PCDH15: variants seen among roughly 807,000 people sequenced by gnomAD.
PCDH15 encodes protocadherin-15.
Under a neutral mutation model 178.5 loss-of-function variants are expected in PCDH15, and 129 were observed. The observed-to-expected ratio is 0.72, with a 90% CI of 0.63 to 0.84. The LOEUF (loss-of-function observed/expected upper bound fraction) is 0.84, where lower values mean the gene tolerates loss of function less well. PCDH15 is among the 40% of genes least tolerant of loss of function. The pLI, the probability that PCDH15 is intolerant of heterozygous loss-of-function variation, is 0.00. For synonymous variants in PCDH15, 800 were observed against 732.0 expected, an observed-to-expected ratio of 1.09 and a Z score of -1.50; for missense variants, 2,230 against 2,099.9, an observed-to-expected ratio of 1.06 and a Z score of -1.21.
rs564701191 is a variant in PCDH15 at position 53,825,311 on chromosome 10, G to C, written c.4367+2082C>G. Among the ~76,000 whole-genome samples the C allele has an allele frequency of 4.3e-4, 65 of 151,976 alleles. 2 individuals are homozygous for C. In the South Asian group the frequency reaches 0.013, roughly 30 times the overall value. On this transcript the variant is annotated intron_variant, in intron 32 of 37. Transcript: ENST00000644397. The stretch of plus-strand genomic sequence containing the variant: ...TTTTATATTTTGTTATTATTCATAT[G>C]AATGACATTTAATAGTAGATGAAAT...
intron 1 of PCDH15, among the ~76,000 whole-genome samples, chr10:55,214,600 A>G (rs1591994512): frequency 6.6e-6 from 1 of 151,260 alleles, no homozygotes; most frequent in African/African-American, 2.4e-5. Context: ...TTCCTGGCAT[A>G]TATCTTTTAA....
intron 32 of PCDH15, chr10:53,821,364 TTTTACTTC>T (rs2076261348): frequency 1.0e-6 from 1 of 994,634 alleles, no homozygotes. Context: ...GTACATTATA[TTTTACTTC>T]GGTAGTATTT....
At chr10:54,854,919 C>T (rs1953709691) in intron 3 of PCDH15, among the ~76,000 whole-genome samples, 1 of 152,344 alleles carries the variant, frequency 6.6e-6, no homozygotes, top group African/African-American at 2.4e-5. Context: ...TGTCTACCTT[C>T]TGCTGCCTCC....
intron 25 of PCDH15, among the ~76,000 whole-genome samples, chr10:53,924,232 G>A (rs1195397295): frequency 1.3e-5 from 2 of 151,912 alleles, no homozygotes; most frequent in African/African-American, 2.4e-5. Context: ...GCGAGCCAGC[G>A]TGAGTTCCGG....
chr10:54,504,922 G>A (rs1471064877), intron 3 of PCDH15, among the ~76,000 whole-genome samples: 1 of 151,952 alleles, frequency 6.6e-6, no homozygotes, highest in Admixed American at 6.6e-5. Context: ...ATAATAGACA[G>A]ATTTATAATG....
chr10:55,522,771 C>T (rs1298416186), intron 2 of PCDH15, among the ~76,000 whole-genome samples: 1 of 151,688 alleles, frequency 6.6e-6, no homozygotes, highest in Non-Finnish European at 1.5e-5. Flanking sequence ...ACTTATCCAC[C>T]ATTTCTTTTG....
At chr10:55,615,550 A>G (rs940084860) in intron 2 of PCDH15, among the ~76,000 whole-genome samples, 2 of 152,126 alleles carry the variant, frequency 1.3e-5, no homozygotes, top group African/African-American at 4.8e-5. Flanking sequence ...CTTTAACCCA[A>G]TAGCTTTCTA....
At chr10:54,285,025 T>C (rs575934645) in intron 8 of PCDH15, among the ~76,000 whole-genome samples, 125 of 152,288 alleles carry the variant, frequency 8.2e-4, no homozygotes, top group African/African-American at 3.0e-3. Context: ...TGAAAGAAAT[T>C]GTTTCCAAGA....
At chr10:54,020,003 T>TTATA in intron 20 of PCDH15, among the ~76,000 whole-genome samples, 189 bp downstream of exon 20, 1 of 152,116 alleles carries the variant, frequency 6.6e-6, no homozygotes, top group East Asian at 1.9e-4. Flanking sequence ...AATTTATCTT[T>TTATA]TATAGTCAAA....
intron 1 of PCDH15, among the ~76,000 whole-genome samples, chr10:55,232,705 A>G (rs1841260686): frequency 6.6e-6 from 1 of 152,106 alleles, no homozygotes; most frequent in African/African-American, 2.4e-5. Flanking sequence ...ATGTCAGTAG[A>G]TGTCTAATGG....
At chr10:53,816,905 G>C (rs1390358127) in intron 34 of PCDH15, among the ~76,000 whole-genome samples, 1 of 152,084 alleles carries the variant, frequency 6.6e-6, no homozygotes, top group East Asian at 1.9e-4. Flanking sequence ...TCTTTCACTT[G>C]TATTTATTTA....
intron 2 of PCDH15, among the ~76,000 whole-genome samples, chr10:54,543,702 G>C (rs1048068086): frequency 1.3e-5 from 2 of 152,116 alleles, no homozygotes; most frequent in African/African-American, 4.8e-5. Context: ...AAAAAAATCA[G>C]GACATGTAGC....
chr10:55,376,372 C>T (rs781426382), intron 2 of PCDH15, among the ~76,000 whole-genome samples: 3 of 152,020 alleles, frequency 2.0e-5, no homozygotes, highest in Non-Finnish European at 2.9e-5. Context: ...TTGCCCTTGG[C>T]GTCTCAGGTT....
chr10:54,309,354 C>T (rs902774633), intron 8 of PCDH15, among the ~76,000 whole-genome samples: 1 of 146,786 alleles, frequency 6.8e-6, no homozygotes, highest in Non-Finnish European at 1.5e-5. Context: ...CACACACACA[C>T]ACTTCACATA....
chr10:55,549,172 GT>G (rs150758606), intron 2 of PCDH15, among the ~76,000 whole-genome samples: 23 of 150,398 alleles, frequency 1.5e-4, no homozygotes, highest in South Asian at 1.3e-3. Context: ...TTGTTTGTTT[GT>G]TTTTTCCCCC....
chr10:54,943,900 C>G (rs1016235747), intron 2 of PCDH15, among the ~76,000 whole-genome samples: 1 of 151,032 alleles, frequency 6.6e-6, no homozygotes, highest in Non-Finnish European at 1.5e-5. Flanking sequence ...GTAAAGATCT[C>G]TTAAAGAGAA....
intron 8 of PCDH15, among the ~76,000 whole-genome samples, chr10:54,252,913 A>C (rs1480556009): frequency 2.0e-5 from 3 of 152,060 alleles, no homozygotes; most frequent in Non-Finnish European, 4.4e-5. Context: ...GTTATATTGA[A>C]GAGAATGTCT....
intron 2 of PCDH15, among the ~76,000 whole-genome samples, chr10:54,930,535 C>T (rs929677598): frequency 6.6e-6 from 1 of 152,166 alleles, no homozygotes; most frequent in African/African-American, 2.4e-5. Context: ...TTTGTTTACT[C>T]TGTTTTCCTT....
chr10:54,753,097 A>T (rs1946565391), intron 1 of PCDH15, among the ~76,000 whole-genome samples: 1 of 152,186 alleles, frequency 6.6e-6, no homozygotes, highest in Admixed American at 6.5e-5. Flanking sequence ...TAAATATTCC[A>T]TCAATGTTTG....
Sources: allele counts gnomAD v4.1 joint callset (sites outside exome capture counted in the v4.1 genomes callset), GRCh38; gene constraint gnomAD v4.1.1; transcripts MANE v1.5; gene names NCBI Gene and HGNC (gene_info 2026-07-23, HGNC 2026-07-21).